Variants in TXNDC11 observed in about 807,000 individuals in gnomAD.
TXNDC11 encodes thioredoxin domain-containing protein 11.
In TXNDC11, 68 loss-of-function variants were observed where a neutral mutation model predicts 78.0. That is an observed-to-expected ratio of 0.87 (90% CI 0.72 to 1.07). The LOEUF is 1.07. Among genes scored for constraint, TXNDC11 ranks in the 50% least tolerant of loss-of-function variants. The probability of loss-of-function intolerance (pLI) is 0.00; values close to 1 mark genes in which losing one functional copy is unlikely to be tolerated. For missense variants in TXNDC11, 1,389 were observed against 1,221.8 expected, an observed-to-expected ratio of 1.14 and a Z score of -2.04; for synonymous variants, 571 against 495.2, an observed-to-expected ratio of 1.15 and a Z score of -2.03.
intron 5 of TXNDC11, among the ~76,000 whole-genome samples, chr16:11,704,996 G>C (rs1283118152): frequency 2.6e-5 from 4 of 151,738 alleles, no homozygotes; most frequent in Non-Finnish European, 5.9e-5. Context: ...GCAACCTTAA[G>C]TGATTCTCCT....
chr16:11,729,956 G>A (rs936883634), intron 4 of TXNDC11, among the ~76,000 whole-genome samples: 1 of 152,106 alleles, frequency 6.6e-6, no homozygotes, highest in Non-Finnish European at 1.5e-5. Context: ...TTAGCTGGGC[G>A]TGGTGGCACT....
At position 11,721,284 on chromosome 16, in the gene TXNDC11, C is replaced by T. The variant is rs977828052; in HGVS notation, c.793+293G>A. ...CAAAACCCCATATCTACTAAAAATACAAAAATTAGCCAGGCATGGCGGCAG... is the reference window on the plus strand; with the variant it reads ...CAAAACCCCATATCTACTAAAAATATAAAAATTAGCCAGGCATGGCGGCAG... On this transcript the variant is annotated intron_variant, in intron 5 of 11. Transcript: ENST00000283033. The T allele has an allele frequency of 3.8e-5, 8 of 211,232 alleles. No homozygotes were observed. In the South Asian group the frequency reaches 4.7e-4, roughly 12 times the overall value. 13.1% of individuals were successfully genotyped at this position (211,232 alleles called of 1,614,324 possible).
At chr16:11,683,115 A>G (rs1292988974) in intron 11 of TXNDC11, among the ~76,000 whole-genome samples, 1 of 152,202 alleles carries the variant, frequency 6.6e-6, no homozygotes, top group East Asian at 1.9e-4. Context: ...GGGAATCTAT[A>G]AAAAGGGAGC....
chr16:11,714,566 G>A (rs2051469867), intron 5 of TXNDC11, among the ~76,000 whole-genome samples: 1 of 152,062 alleles, frequency 6.6e-6, no homozygotes, highest in African/African-American at 2.4e-5. Flanking sequence ...CGTGAACCCG[G>A]GAGGCGGAGG....
intron 11 of TXNDC11, among the ~76,000 whole-genome samples, chr16:11,683,748 CTTTT>C (rs36114425): frequency 4.6e-5 from 5 of 109,324 alleles, no homozygotes; most frequent in South Asian, 2.9e-4. Context: ...CCTAAGGACA[CTTTT>C]TTTTTTTTTT....
At chr16:11,680,102 CAA>C (rs1384977819) in intron 11 of TXNDC11, among the ~76,000 whole-genome samples, 1 of 152,224 alleles carries the variant, frequency 6.6e-6, no homozygotes, top group Non-Finnish European at 1.5e-5. Context: ...CCAAGAAAGA[CAA>C]GAGCTCCTAG....
chr16:11,733,674 C>A (rs543320632), intron 3 of TXNDC11, among the ~76,000 whole-genome samples: 4 of 152,170 alleles, frequency 2.6e-5, no homozygotes, highest in African/African-American at 9.7e-5. Context: ...AACACTCTTA[C>A]GATATCTGAA....
chr16:11,691,880 C>G lies in TXNDC11; in HGVS notation c.1310G>C (p.Arg437Thr). The G allele has an allele frequency of 1.2e-6, 2 of 1,614,208 alleles. No individual in the cohort carries two copies. The highest frequency in any genetic ancestry group is 1.7e-6 in the Non-Finnish European group (2 of 1,180,002). Residue 437 changes from arginine to threonine, a missense_variant, in exon 8 of 12, where the codon AGG becomes ACG. Physicochemically the swap from Arg to Thr is moderately conservative, Grantham distance 71. Coordinates refer to ENST00000283033, the MANE Select transcript of TXNDC11 (RefSeq NM_015914.7). The part of the protein sequence containing the change: ...VVLPQWHSFS[R>T]THNVCELCVN... ...ACAGAGTTCACAGACGTTGTGGGTCCTGGAGAAGGAGTGCCACTGGGGCAG... is the reference window on the plus strand; with the variant it reads ...ACAGAGTTCACAGACGTTGTGGGTCGTGGAGAAGGAGTGCCACTGGGGCAG...
In TXNDC11 at chr16:11,709,683, C is replaced by T. The variant is rs573607821; in HGVS notation, c.794-9119G>A. Reference sequence around the variant, plus strand: ...ATCTCCTGACCTCGTGATCCGCCCGCCTCGGCCTCCCAAAGTGCTGGGATT... The same window carrying T: ...ATCTCCTGACCTCGTGATCCGCCCGTCTCGGCCTCCCAAAGTGCTGGGATT... On this transcript the variant is annotated intron_variant, in intron 5 of 11. Coordinates refer to ENST00000283033, the MANE Select transcript of TXNDC11 (RefSeq NM_015914.7). Among the ~76,000 whole-genome samples the T allele has an allele frequency of 7.6e-4, 116 of 152,032 alleles. 2 individuals carry two copies. The East Asian group carries it at 0.02, about 26-fold the overall frequency.
intron 5 of TXNDC11, among the ~76,000 whole-genome samples, chr16:11,708,921 A>T (rs1174825612): frequency 6.6e-6 from 1 of 152,156 alleles, no homozygotes; most frequent in African/African-American, 2.4e-5. Context: ...GATTAAAACA[A>T]CCCCTCTAAT....
chr16:11,682,932 A>G (rs1011728471), intron 11 of TXNDC11, among the ~76,000 whole-genome samples: 2 of 152,232 alleles, frequency 1.3e-5, no homozygotes, highest in African/African-American at 2.4e-5. Flanking sequence ...TCTCCTAGAG[A>G]AACATGACAA....
At chr16:11,735,321 G>A (rs2052188042) in intron 2 of TXNDC11, among the ~76,000 whole-genome samples, 1 of 152,106 alleles carries the variant, frequency 6.6e-6, no homozygotes, top group East Asian at 1.9e-4. Context: ...TTCTGACTGT[G>A]CACTTACATA....
At chr16:11,726,750 T>C (rs2051890620) in intron 4 of TXNDC11, among the ~76,000 whole-genome samples, 1 of 152,158 alleles carries the variant, frequency 6.6e-6, no homozygotes, top group Non-Finnish European at 1.5e-5. Context: ...GAGTTCCATA[T>C]ACATATAATA....
chr16:11,713,213 G>A (rs919275139), intron 5 of TXNDC11, among the ~76,000 whole-genome samples: 1 of 151,358 alleles, frequency 6.6e-6, no homozygotes, highest in Admixed American at 6.6e-5. Flanking sequence ...CCTGAGCCTG[G>A]GGAGGTTGAG....
intron 5 of TXNDC11, among the ~76,000 whole-genome samples, chr16:11,704,041 G>C: frequency 6.6e-6 from 1 of 152,258 alleles, no homozygotes; most frequent in Non-Finnish European, 1.5e-5. Flanking sequence ...GCAGTGAGCC[G>C]AGATTTTGCC....
rs1453733309 is a variant in TXNDC11, at chr16:11,724,908, G to A, written c.700-3238C>T. On this transcript the variant is annotated intron_variant, in intron 4 of 11. Coordinates refer to ENST00000283033, the MANE Select transcript of TXNDC11 (RefSeq NM_015914.7). ...TTACAGGCGCCCGCCACCACATCCG[G>A]CTAATTTTTTGTATTTTTAGTAGAG... Among the ~76,000 whole-genome samples, 3 of 152,082 alleles carry A rather than the reference G, an allele frequency of 2.0e-5. No individual in the cohort carries two copies. The East Asian group carries it at 5.8e-4, about 29-fold the overall frequency.
At chr16:11,702,021 C>CAA (rs1355828444) in intron 5 of TXNDC11, among the ~76,000 whole-genome samples, 5 of 92,864 alleles carry the variant, frequency 5.4e-5, no homozygotes, top group Admixed American at 1.1e-4. Flanking sequence ...TTGATGTTAA[C>CAA]AAAAAAAAAA....
Position 11,687,839 on chromosome 16 carries a change from C to T in TXNDC11, c.2153+18G>A, listed in dbSNP as rs6498240. On this transcript the variant is annotated intron_variant, in intron 10 of 11. Coordinates refer to ENST00000283033, the MANE Select transcript of TXNDC11 (RefSeq NM_015914.7). ...AATGGGCATACAGCCCAAAGCGCTG[C>T]AGAAGAGGCCTGCTTACCTTGCCAC... 7.9e-3 allele frequency: 12,314 copies of T among 1,560,652 alleles called. 827 individuals carry two copies. The African/African-American group carries it at 0.14, about 18-fold the overall frequency.
At chr16:11,740,057 G>T (rs896436264) in intron 1 of TXNDC11, among the ~76,000 whole-genome samples, 2 of 151,626 alleles carry the variant, frequency 1.3e-5, no homozygotes, top group Admixed American at 1.3e-4. Context: ...GCTGGGCATG[G>T]TGGCACGCAC....
Sources: gnomAD v4.1 joint callset for allele counts (sites outside exome capture counted in the v4.1 genomes callset) on GRCh38, gnomAD v4.1.1 for gene constraint, MANE v1.5 for transcripts, NCBI Gene and HGNC (gene_info 2026-07-23, HGNC 2026-07-21) for gene names.